Variants in OPRK1 observed in about 807,000 individuals in gnomAD.
OPRK1 encodes kappa-type opioid receptor.
A neutral mutation model predicts 24.5 loss-of-function variants in OPRK1; 15 were observed. The ratio of observed to expected loss-of-function variants is 0.61; its 90% CI spans 0.41 to 0.94. The LOEUF (loss-of-function observed/expected upper bound fraction) is 0.94, where lower values mean the gene tolerates loss of function less well. Ranked by LOEUF, OPRK1 falls within the 40% of genes least tolerant of loss-of-function variation. OPRK1 has a pLI of 0.00. For missense variants in OPRK1, 479 were observed against 507.3 expected (o/e 0.94, Z 0.54); for synonymous variants, 205 against 198.0 (o/e 1.04, Z -0.30).
rs558935102 is a variant in OPRK1, at chr8:53,232,879, T to C, written c.610+1880A>G. On this transcript the variant is annotated intron_variant, in intron 3 of 3. Transcript: ENST00000265572. Reference sequence around the variant, plus strand: ...AAAAGTAAGAGCAGACTATGAATCCTCACATAATACACACACATATACTAC... The same window carrying C: ...AAAAGTAAGAGCAGACTATGAATCCCCACATAATACACACACATATACTAC... Among the ~76,000 whole-genome samples, 10 of 152,340 alleles carry C rather than the reference T, an allele frequency of 6.6e-5. No individual in the cohort carries two copies. The South Asian group carries it at 2.1e-3, about 32-fold the overall frequency.
intron 3 of OPRK1, among the ~76,000 whole-genome samples, chr8:53,230,215 G>C (rs937189916): frequency 5.9e-5 from 9 of 151,786 alleles, no homozygotes; most frequent in African/African-American, 1.9e-4. Context: ...CAGACCTAAG[G>C]CTCTGGCAAT....
In OPRK1 at chr8:53,229,247, T is replaced by C. The variant is rs1806790074; in HGVS notation, c.*50A>G. On this transcript the variant is annotated 3_prime_UTR_variant, in exon 4 of 4. Coordinates refer to ENST00000265572, the MANE Select transcript of OPRK1 (RefSeq NM_000912.5). ...AGTGATCTGAGTTAAACCTAGATCATTGAACTCCTCTCTTCCCGAAGAACT... is the reference window on the plus strand; with the variant it reads ...AGTGATCTGAGTTAAACCTAGATCACTGAACTCCTCTCTTCCCGAAGAACT... The C allele has an allele frequency of 3.8e-6, 6 of 1,562,088 alleles. No homozygotes were observed. The highest frequency in any genetic ancestry group is 3.5e-6 in the Non-Finnish European group (4 of 1,152,188).
rs764675936 is a variant in OPRK1, at chr8:53,250,890, C to G, written c.148G>C (p.Glu50Gln). The change falls in exon 2 of 4, where the codon GAG becomes CAG. Residue 50 changes from glutamate (E) to glutamine (Q), a missense_variant. Coordinates refer to ENST00000265572, the MANE Select transcript of OPRK1 (RefSeq NM_000912.5). ...GSAGSEDAQLEPAHISPAIPV... is the reference protein window; with the variant it reads ...GSAGSEDAQLQPAHISPAIPV... ...ATGGCCGGGGAGATGTGCGCGGGCTCCAGCTGCGCGTCCTCCGAGCCGGCG... is the reference window on the plus strand; with the variant it reads ...ATGGCCGGGGAGATGTGCGCGGGCTGCAGCTGCGCGTCCTCCGAGCCGGCG... 6.2e-7 allele frequency: 1 copy of G among 1,612,502 alleles called. No homozygotes were observed. Among genetic ancestry groups the G allele is most frequent in the African/African-American group, 1.3e-5 (1 of 74,874 alleles).
intron 3 of OPRK1, among the ~76,000 whole-genome samples, chr8:53,234,365 A>G (rs1806935860): frequency 2.6e-5 from 4 of 152,118 alleles, no homozygotes; most frequent in Admixed American, 1.3e-4. Flanking sequence ...AGAGGAAAGA[A>G]CCAGCATATG....
chr8:53,240,980 G>T (rs1341134419), intron 2 of OPRK1, among the ~76,000 whole-genome samples: 1 of 152,094 alleles, frequency 6.6e-6, no homozygotes, highest in African/African-American at 2.4e-5. Flanking sequence ...TGTCAATTAT[G>T]CCTCACCAAA....
chr8:53,232,717 T>G (rs1302736436), intron 3 of OPRK1, among the ~76,000 whole-genome samples: 1 of 152,226 alleles, frequency 6.6e-6, no homozygotes, highest in Non-Finnish European at 1.5e-5. Flanking sequence ...TGCTGGCTCC[T>G]GTTCCAGCAT....
chr8:53,234,182 C>CA (rs546459906), intron 3 of OPRK1, among the ~76,000 whole-genome samples: 5,112 of 65,262 alleles, frequency 0.078, 345 homozygotes, highest in Non-Finnish European at 0.1. Flanking sequence ...GACTCTCTCT[C>CA]AAAAAAAAAA....
chr8:53,247,251 G>A (rs915099354), intron 2 of OPRK1, among the ~76,000 whole-genome samples: 1 of 152,226 alleles, frequency 6.6e-6, no homozygotes, highest in African/African-American at 2.4e-5. Flanking sequence ...GTTTGCAGGA[G>A]TGGTATGGTG....
intron 3 of OPRK1, among the ~76,000 whole-genome samples, chr8:53,232,714 T>A (rs1325989865): frequency 6.6e-6 from 1 of 152,224 alleles, no homozygotes; most frequent in Non-Finnish European, 1.5e-5. Context: ...TTCTGCTGGC[T>A]CCTGTTCCAG....
intron 2 of OPRK1, among the ~76,000 whole-genome samples, chr8:53,246,434 G>A (rs1272185936): frequency 6.6e-6 from 1 of 152,218 alleles, no homozygotes; most frequent in East Asian, 1.9e-4. Flanking sequence ...GAGGATGAAG[G>A]ACATTAGCTA....
Position 53,227,626 on chromosome 8 carries a change from C to T in OPRK1, c.*1671G>A, listed in dbSNP as rs187499751. ...ACTTCATTTTCATTAGGAGAAATCA[C>T]TTCCATTCTGCCATATGTCATCTGT... On this transcript the variant is annotated 3_prime_UTR_variant, in exon 4 of 4. Coordinates refer to ENST00000265572, the MANE Select transcript of OPRK1 (RefSeq NM_000912.5). 1 of 152,262 alleles carries T rather than the reference C, an allele frequency of 6.6e-6. No homozygotes were observed. The highest frequency in any genetic ancestry group is 1.9e-4 in the East Asian group (1 of 5,170). The allele number at this position is 152,262 out of a possible 1,614,324, so 9.4% of individuals were successfully genotyped here.
chr8:53,232,892 A>G (rs73589344), intron 3 of OPRK1, among the ~76,000 whole-genome samples: 6,856 of 152,320 alleles, frequency 0.045, 520 homozygotes, highest in African/African-American at 0.16. Context: ...CATAATACAC[A>G]CACATATACT....
At chr8:53,240,886 A>G (rs1057177841) in intron 2 of OPRK1, among the ~76,000 whole-genome samples, 1 of 152,190 alleles carries the variant, frequency 6.6e-6, no homozygotes, top group Admixed American at 6.5e-5. Context: ...TGTGTGTGGT[A>G]ATGGCTGTGT....
At chr8:53,230,811 C>T (rs74540359) in intron 3 of OPRK1, among the ~76,000 whole-genome samples, 2 of 152,124 alleles carry the variant, frequency 1.3e-5, no homozygotes, top group East Asian at 3.9e-4. Context: ...GGTCCTTCCT[C>T]ACAGACAAGG....
intron 2 of OPRK1, among the ~76,000 whole-genome samples, chr8:53,246,182 G>T (rs1295149888): frequency 6.6e-6 from 1 of 152,256 alleles, no homozygotes. Context: ...GAGGATGTGG[G>T]GGAAGCCAAG....
intron 2 of OPRK1, among the ~76,000 whole-genome samples, chr8:53,246,995 A>C (rs866824301): frequency 5.9e-4 from 90 of 152,372 alleles, no homozygotes; most frequent in African/African-American, 2.0e-3. Flanking sequence ...CTTGACAAAA[A>C]TAAAATTGAT....
At chr8:53,249,631 C>G (rs1040519049) in intron 2 of OPRK1, among the ~76,000 whole-genome samples, 12 of 151,590 alleles carry the variant, frequency 7.9e-5, no homozygotes, top group African/African-American at 2.7e-4. Flanking sequence ...CATTCTCAAG[C>G]AAAAAAGTAA....
At chr8:53,238,614 T>A in intron 2 of OPRK1, 1 of 985,408 alleles carries the variant, frequency 1.0e-6, no homozygotes, top group Non-Finnish European at 1.2e-6. Flanking sequence ...CCAGTGACAC[T>A]TTAACTCAAG....
At chr8:53,241,860 G>A (rs1201148219) in intron 2 of OPRK1, among the ~76,000 whole-genome samples, 1 of 152,208 alleles carries the variant, frequency 6.6e-6, no homozygotes, top group African/African-American at 2.4e-5. Context: ...GAAGGGTAAC[G>A]GGGAGCGATG....
Sources: gnomAD v4.1 joint callset for allele counts (sites outside exome capture counted in the v4.1 genomes callset) on GRCh38, gnomAD v4.1.1 for gene constraint, MANE v1.5 for transcripts, NCBI Gene and HGNC (gene_info 2026-07-23, HGNC 2026-07-21) for gene names.